GLCE: variants seen among roughly 807,000 people sequenced by gnomAD.
The protein encoded by GLCE is D-glucuronyl C5-epimerase.
Under a neutral mutation model 47.9 loss-of-function variants are expected in GLCE, and 19 were observed. The observed-to-expected ratio is 0.40, with a 90% CI of 0.28 to 0.58. The LOEUF (loss-of-function observed/expected upper bound fraction) is 0.58. Among genes scored for constraint, GLCE ranks in the 20% least tolerant of loss-of-function variants. The pLI is 0.48. For missense variants in GLCE, 556 were observed against 743.3 expected, an observed-to-expected ratio of 0.75 and a Z score of 2.93; for synonymous variants, 245 against 263.4, an observed-to-expected ratio of 0.93 and a Z score of 0.68.
At chr15:69,229,382 G>A (rs2052489885) in intron 2 of GLCE, among the ~76,000 whole-genome samples, 1 of 152,092 alleles carries the variant, frequency 6.6e-6, no homozygotes, top group South Asian at 2.1e-4. Flanking sequence ...ACAGGAAGAG[G>A]GAACCCAAAC....
At chr15:69,199,941 T>G (rs1455461593) in intron 1 of GLCE, among the ~76,000 whole-genome samples, 1 of 152,194 alleles carries the variant, frequency 6.6e-6, no homozygotes, top group African/African-American at 2.4e-5. Context: ...TACAGACTTC[T>G]ATCCGTTATG....
At chr15:69,262,571 C>T (rs989405131) in intron 4 of GLCE, among the ~76,000 whole-genome samples, 8 of 152,138 alleles carry the variant, frequency 5.3e-5, no homozygotes, top group African/African-American at 1.9e-4. Context: ...TTTTCTAGGA[C>T]AGTCTTTTGA....
At chr15:69,165,672 G>T (rs1477146367) in intron 1 of GLCE, among the ~76,000 whole-genome samples, 1 of 151,398 alleles carries the variant, frequency 6.6e-6, no homozygotes, top group African/African-American at 2.4e-5. Context: ...CTAATGTGTT[G>T]TAATTAAGTC....
chr15:69,177,220 C>T (rs150455257), intron 1 of GLCE, among the ~76,000 whole-genome samples: 2,841 of 150,952 alleles, frequency 0.019, 46 homozygotes, highest in Admixed American at 0.043. Flanking sequence ...GGTTTCACCA[C>T]GCCCAGCTAA....
rs1195989378 is a variant in GLCE, at chr15:69,268,306, G to A, written c.916G>A (p.Val306Met). Residue 306 changes from valine to methionine, a missense_variant, in exon 5 of 5, where the codon GTG becomes ATG. Transcript: ENST00000261858. ...CCTCAAGTTCTTGACAAATGGAAGT[G>A]TGTCCGTGGTTCTAGAGACCACAGA... is the stretch of plus-strand genomic sequence containing the variant. ...FDLKFLTNGS[V>M]SVVLETTEKN... The A allele has an allele frequency of 2.5e-6, 4 of 1,611,134 alleles. No individual in the cohort carries two copies. The highest frequency in any genetic ancestry group is 3.4e-6 in the Non-Finnish European group (4 of 1,177,558).
intron 1 of GLCE, among the ~76,000 whole-genome samples, chr15:69,186,615 G>A (rs1027787317): frequency 6.6e-6 from 1 of 152,314 alleles, no homozygotes; most frequent in South Asian, 2.1e-4. Context: ...TATCTAAGGT[G>A]TATCAGAAGA....
intron 2 of GLCE, among the ~76,000 whole-genome samples, chr15:69,219,878 C>A (rs958578927): frequency 2.0e-5 from 3 of 152,090 alleles, no homozygotes; most frequent in Non-Finnish European, 4.4e-5. Context: ...CAGTAACTCC[C>A]CAGTTTTCCC....
chr15:69,242,467 G>A (rs942685142), intron 2 of GLCE, among the ~76,000 whole-genome samples: 1 of 151,844 alleles, frequency 6.6e-6, no homozygotes, highest in African/African-American at 2.4e-5. Flanking sequence ...GCTAAGCTAT[G>A]CATCTATATA....
At chr15:69,241,466 G>A (rs894034668) in intron 2 of GLCE, among the ~76,000 whole-genome samples, 1 of 152,122 alleles carries the variant, frequency 6.6e-6, no homozygotes. Context: ...GCTAACTCTT[G>A]AATCACTGCT....
chr15:69,239,563 G>A (rs1005942837), intron 2 of GLCE, among the ~76,000 whole-genome samples: 71 of 152,154 alleles, frequency 4.7e-4, no homozygotes, highest in African/African-American at 1.5e-3. Context: ...CCCACATCTA[G>A]TTACCACTGA....
chr15:69,172,584 T>C (rs962537439), intron 1 of GLCE, among the ~76,000 whole-genome samples: 2 of 124,882 alleles, frequency 1.6e-5, no homozygotes, highest in Non-Finnish European at 3.7e-5. Context: ...GTTATACATA[T>C]AGCATTTGAC....
chr15:69,243,057 CAAAAAAA>C (rs547412078), intron 2 of GLCE, among the ~76,000 whole-genome samples: 9 of 42,340 alleles, frequency 2.1e-4, no homozygotes, highest in East Asian at 1.4e-3. Flanking sequence ...AGATCCTGTC[CAAAAAAA>C]AAAAAAAAAA....
chr15:69,236,190 T>A (rs1337832497), intron 2 of GLCE, among the ~76,000 whole-genome samples: 4 of 143,732 alleles, frequency 2.8e-5, no homozygotes. Flanking sequence ...GACATTTGGG[T>A]TGTTTCCAGC....
chr15:69,209,197 A>G (rs1432887106), intron 1 of GLCE, among the ~76,000 whole-genome samples: 2 of 151,886 alleles, frequency 1.3e-5, no homozygotes, highest in African/African-American at 4.8e-5. Flanking sequence ...TTGTTAAAGC[A>G]TTCTGTAATA....
chr15:69,248,925 A>G (rs752675954), intron 2 of GLCE, among the ~76,000 whole-genome samples: 3 of 152,196 alleles, frequency 2.0e-5, no homozygotes, highest in Non-Finnish European at 4.4e-5. Context: ...TGGGGATACA[A>G]CAGTGGCCAG....
chr15:69,185,485 A>C (rs2051809172), intron 1 of GLCE, among the ~76,000 whole-genome samples: 1 of 152,090 alleles, frequency 6.6e-6, no homozygotes, highest in Admixed American at 6.6e-5. Context: ...TTTCTAATTA[A>C]TTCTAGCTCC....
At chr15:69,254,745 A>C (rs146334652) in intron 2 of GLCE, among the ~76,000 whole-genome samples, 3 of 152,316 alleles carry the variant, frequency 2.0e-5, no homozygotes, top group African/African-American at 7.2e-5. Flanking sequence ...TCAGAAATCT[A>C]TTTGACCTCC....
chr15:69,165,450 T>C (rs1199071810), intron 1 of GLCE, among the ~76,000 whole-genome samples: 2 of 152,082 alleles, frequency 1.3e-5, no homozygotes, highest in Non-Finnish European at 2.9e-5. Context: ...TTTCCTTCTC[T>C]TGTCTTGCTG....
chr15:69,213,001 G>A (rs141356154), intron 2 of GLCE, among the ~76,000 whole-genome samples: 2 of 152,042 alleles, frequency 1.3e-5, no homozygotes, highest in Admixed American at 6.6e-5. Flanking sequence ...GTTTATACAC[G>A]TAATTTGCTA....
Sources: allele counts gnomAD v4.1 joint callset (sites outside exome capture counted in the v4.1 genomes callset), GRCh38; gene constraint gnomAD v4.1.1; transcripts MANE v1.5; gene names NCBI Gene and HGNC (gene_info 2026-07-23, HGNC 2026-07-21).